ACOT11: variants seen among roughly 807,000 people sequenced by gnomAD.
ACOT11 encodes the protein acyl-CoA thioesterase 11, also known as acyl-coenzyme A thioesterase 11.
Under a neutral mutation model 77.5 loss-of-function variants are expected in ACOT11, and 69 were observed. That is an observed-to-expected ratio of 0.89 (90% CI 0.73 to 1.09). ACOT11 has a LOEUF of 1.09. Ranked by LOEUF, ACOT11 falls within the 50% of genes least tolerant of loss-of-function variation. ACOT11 has a pLI of 0.00. For missense variants in ACOT11, 766 were observed against 813.7 expected (o/e 0.94, Z 0.71); for synonymous variants, 279 against 313.0 (o/e 0.89, Z 1.15).
chr1:54,555,071 G>A (rs1653214800), intron 1 of ACOT11, among the ~76,000 whole-genome samples: 1 of 152,152 alleles, frequency 6.6e-6, no homozygotes, highest in African/African-American at 2.4e-5. Flanking sequence ...TGATTCTCCT[G>A]CCTCAGCCTC....
chr1:54,609,557 CT>C lies in ACOT11; in HGVS notation c.*446del, dbSNP rs746792207. The C allele has an allele frequency of 1.9e-6, 3 of 1,612,658 alleles. No individual in the cohort carries two copies. Among genetic ancestry groups the C allele is most frequent in the Non-Finnish European group, 2.5e-6 (3 of 1,180,038 alleles). On this transcript the variant is annotated 3_prime_UTR_variant, in exon 16 of 16. Transcript: ENST00000343744. ...TAGCATATCTGTGAGCAGCTGTTCC[CT>C]GTAGCCACTGCCCAGCACCTCCTCA...
chr1:54,571,207 A>C (rs187779091), intron 1 of ACOT11, among the ~76,000 whole-genome samples: 1 of 152,018 alleles, frequency 6.6e-6, no homozygotes, highest in Non-Finnish European at 1.5e-5. Context: ...CGGGTTATCT[A>C]GCCAGACAGT....
intron 1 of ACOT11, among the ~76,000 whole-genome samples, chr1:54,552,608 C>T (rs574079935): frequency 4.0e-4 from 61 of 152,214 alleles, no homozygotes; most frequent in South Asian, 3.1e-3. Flanking sequence ...TCTCATTTCT[C>T]GGCCTCCTGA....
chr1:54,548,269 T>A lies in ACOT11; in HGVS notation c.-41T>A. 1 of 1,579,308 alleles carries A rather than the reference T, an allele frequency of 6.3e-7. No individual in the cohort carries two copies. The highest frequency in any genetic ancestry group is 1.2e-5 in the South Asian group (1 of 86,020). The stretch of plus-strand genomic sequence containing the variant: ...GGCTGTTGCTCAGGTGACCAGCTTG[T>A]GTCTCTGGGAGGGCGCTGCTTTCCC... On this transcript the variant is annotated 5_prime_UTR_variant, in exon 1 of 16. Coordinates refer to ENST00000343744, the MANE Select transcript of ACOT11 (RefSeq NM_147161.4).
At position 54,609,416 on chromosome 1, in the gene ACOT11, A is replaced by G. The variant is rs749948124; in HGVS notation, c.*304A>G. ...CCCAGCTGGGTTGTGCTCCACTGTG[A>G]CGGTGGCCCGGGGGGAGGATGCCAG... On this transcript the variant is annotated 3_prime_UTR_variant, in exon 16 of 16. Transcript: ENST00000343744. The G allele has an allele frequency of 1.2e-6, 2 of 1,613,924 alleles. No individual in the cohort carries two copies. The highest frequency in any genetic ancestry group is 1.7e-6 in the Non-Finnish European group (2 of 1,180,000).
Position 54,601,255 on chromosome 1 carries a change from C to T in ACOT11, c.885-14C>T. On this transcript the variant is annotated splice_polypyrimidine_tract_variant and intron_variant, in intron 8 of 15. Coordinates refer to ENST00000343744, the MANE Select transcript of ACOT11 (RefSeq NM_147161.4). Reference sequence around the variant, plus strand: ...AGGTCTGTCCAGGTTGGAAGCCACACTCCCTCCCCTCAGCATGGAGGTGGG... The same window carrying T: ...AGGTCTGTCCAGGTTGGAAGCCACATTCCCTCCCCTCAGCATGGAGGTGGG... 2 of 1,606,954 alleles carry T rather than the reference C, an allele frequency of 1.2e-6. No individual in the cohort carries two copies. Among genetic ancestry groups the T allele is most frequent in the Non-Finnish European group, 1.7e-6 (2 of 1,179,100 alleles).
intron 8 of ACOT11, 56 bp downstream of exon 8, chr1:54,599,471 A>T: frequency 1.4e-6 from 2 of 1,467,942 alleles, no homozygotes; most frequent in Non-Finnish European, 1.8e-6. Flanking sequence ...GCTCTTCCTG[A>T]CCCTAGAAAG....
intron 9 of ACOT11, 68 bp downstream of exon 9, chr1:54,601,481 G>A (rs1021592032): frequency 6.4e-7 from 1 of 1,570,626 alleles, no homozygotes; most frequent in African/African-American, 1.3e-5. Flanking sequence ...TGGCATGGTG[G>A]AGACTGCCAG....
intron 1 of ACOT11, among the ~76,000 whole-genome samples, chr1:54,554,508 G>T (rs991344149): frequency 1.4e-5 from 2 of 142,486 alleles, no homozygotes; most frequent in African/African-American, 2.7e-5. Flanking sequence ...ATGCACCACT[G>T]TGCCCAGCTA....
At chr1:54,612,546 C>G (rs760855404), downstream of ACOT11, 3 of 1,613,886 alleles carry the variant, frequency 1.9e-6, no homozygotes, top group Non-Finnish European at 2.5e-6. Context: ...CATGGAAGAC[C>G]GTACAGGGAA....
rs1644000303 is a variant in ACOT11 at position 54,604,338 on chromosome 1, T to A, written c.1153-8T>A. The A allele has an allele frequency of 6.2e-7, 1 of 1,613,368 alleles. No homozygotes were observed. The highest frequency in any genetic ancestry group is 8.5e-7 in the Non-Finnish European group (1 of 1,179,558). The stretch of plus-strand genomic sequence containing the variant: ...TGGGGTAGTGGTAGCACCTGTGTAC[T>A]CTTTCAGGTGTACCTGAGCTACAAT... On this transcript the variant is annotated splice_polypyrimidine_tract_variant and splice_region_variant and intron_variant, in intron 11 of 15. Transcript: ENST00000343744.
intron 15 of ACOT11, 123 bp from the exon 16 acceptor site, chr1:54,608,834 T>C (rs1408311505): frequency 6.4e-6 from 6 of 943,578 alleles, no homozygotes; most frequent in Non-Finnish European, 8.3e-6. Context: ...GGGTTGAATA[T>C]TCTGCCCTCC....
chr1:54,595,478 A>G (rs949770214), intron 6 of ACOT11, among the ~76,000 whole-genome samples: 4 of 152,202 alleles, frequency 2.6e-5, no homozygotes, highest in Admixed American at 6.5e-5. Context: ...AAAAGATAAA[A>G]TAAAAAGCAA....
chr1:54,604,209 C>T (rs535280145), intron 11 of ACOT11, 137 bp from the exon 12 acceptor site: 56 of 774,030 alleles, frequency 7.2e-5, no homozygotes, highest in Admixed American at 2.1e-4. Flanking sequence ...GGACTCTTTC[C>T]ACAGCACCTG....
intron 15 of ACOT11, 58 bp from the exon 16 acceptor site, chr1:54,608,899 C>T (rs1264632744): frequency 1.9e-6 from 3 of 1,561,206 alleles, no homozygotes; most frequent in Admixed American, 3.4e-5. Flanking sequence ...GGGCTCCCAC[C>T]CCTTCCCAGG....
intron 1 of ACOT11, 111 bp downstream of exon 1, chr1:54,548,453 G>A (rs1256111471): frequency 9.0e-6 from 12 of 1,336,514 alleles, no homozygotes; most frequent in South Asian, 1.4e-5. Context: ...CACTCTCCAC[G>A]GGCCATTTTC....
In ACOT11 at chr1:54,599,355, C is replaced by A; in HGVS notation, c.824C>A (p.Pro275Gln). Residue 275 changes from proline to glutamine, a missense_variant, in exon 8 of 16, where the codon CCG becomes CAG. Coordinates refer to ENST00000343744, the MANE Select transcript of ACOT11 (RefSeq NM_147161.4). ...KAIEMFHFRG[P>Q]SQVGDRLVLK... ...ATTGAAATGTTCCACTTCCGAGGCC[C>A]GTCCCAGGTCGGCGACCGTCTGGTG... 6.2e-7 allele frequency: 1 copy of A among 1,609,072 alleles called. No homozygotes were observed. The highest frequency in any genetic ancestry group is 8.5e-7 in the Non-Finnish European group (1 of 1,178,120).
At chr1:54,564,403 G>A (rs1457707888) in intron 1 of ACOT11, among the ~76,000 whole-genome samples, 1 of 152,186 alleles carries the variant, frequency 6.6e-6, no homozygotes, top group East Asian at 1.9e-4. Flanking sequence ...CGGGGGGTGG[G>A]GAATCTCAGG....
At chr1:54,571,071 CTT>C (rs1553162279) in intron 1 of ACOT11, among the ~76,000 whole-genome samples, 28 of 141,718 alleles carry the variant, frequency 2.0e-4, no homozygotes, top group Non-Finnish European at 2.8e-4. Flanking sequence ...TTCTCTCTCT[CTT>C]TTTTTTTTTT....
Sources: gnomAD v4.1 joint callset for allele counts (sites outside exome capture counted in the v4.1 genomes callset) on GRCh38, gnomAD v4.1.1 for gene constraint, MANE v1.5 for transcripts, NCBI Gene and HGNC (gene_info 2026-07-23, HGNC 2026-07-21) for gene names.